VAV3: variants seen among roughly 807,000 people sequenced by gnomAD.
VAV3 encodes vav guanine nucleotide exchange factor 3.
VAV3 carries 94 observed loss-of-function variants against 131.2 expected under a neutral mutation model. The ratio of observed to expected loss-of-function variants is 0.72; its 90% CI spans 0.61 to 0.85. The LOEUF is 0.85. Among genes scored for constraint, VAV3 ranks in the 40% least tolerant of loss-of-function variants. VAV3 has a pLI of 0.00. For synonymous variants in VAV3, 349 were observed against 342.0 expected (o/e 1.02, Z -0.22); for missense variants, 939 against 1,002.7 (o/e 0.94, Z 0.86).
At chr1:107,613,348 T>G (rs539366589) in intron 21 of VAV3, among the ~76,000 whole-genome samples, 1 of 152,124 alleles carries the variant, frequency 6.6e-6, no homozygotes, top group East Asian at 1.9e-4. Context: ...TCTCCTTCTA[T>G]TAAATGTATT....
intron 2 of VAV3, among the ~76,000 whole-genome samples, chr1:107,839,990 C>T (rs962940561): frequency 6.6e-6 from 1 of 152,096 alleles, no homozygotes; most frequent in African/African-American, 2.4e-5. Flanking sequence ...ACCAACAGAC[C>T]TGTATCAGCT....
intron 25 of VAV3, among the ~76,000 whole-genome samples, chr1:107,575,174 G>A (rs1649556113): frequency 1.3e-5 from 2 of 152,140 alleles, no homozygotes; most frequent in Non-Finnish European, 2.9e-5. Context: ...TCTACCTGTT[G>A]CTCTTTGGGG....
chr1:107,774,722 T>C (rs181957928), intron 4 of VAV3, among the ~76,000 whole-genome samples: 1 of 152,232 alleles, frequency 6.6e-6, no homozygotes, highest in African/African-American at 2.4e-5. Flanking sequence ...CTCCCCAACT[T>C]AGGAAACAAT....
chr1:107,852,501 G>T (rs2100959753), intron 2 of VAV3, among the ~76,000 whole-genome samples: 1 of 152,178 alleles, frequency 6.6e-6, no homozygotes, highest in African/African-American at 2.4e-5. Context: ...TAAAACTGGG[G>T]ATCATGGTTT....
At chr1:107,637,123 C>G (rs1441201395) in intron 20 of VAV3, among the ~76,000 whole-genome samples, 4 of 151,772 alleles carry the variant, frequency 2.6e-5, no homozygotes, top group Non-Finnish European at 5.9e-5. Flanking sequence ...TTACTGATAT[C>G]GGGAATGAGA....
In VAV3 at chr1:107,596,344, T is replaced by C; in HGVS notation, c.2221-3A>G. On this transcript the variant is annotated splice_region_variant and splice_polypyrimidine_tract_variant and intron_variant, in intron 24 of 26. Transcript: ENST00000370056. Reference sequence around the variant, plus strand: ...TGCTTGTAGTACTCCACAAGTTCCTTTGGAAAAAAGAATCCAACATATTTT... The same window carrying C: ...TGCTTGTAGTACTCCACAAGTTCCTCTGGAAAAAAGAATCCAACATATTTT... 1 of 1,609,660 alleles carries C rather than the reference T, an allele frequency of 6.2e-7. No homozygotes were observed. Among genetic ancestry groups the C allele is most frequent in the Non-Finnish European group, 8.5e-7 (1 of 1,178,332 alleles).
intron 19 of VAV3, among the ~76,000 whole-genome samples, chr1:107,675,200 T>G (rs1482640903): frequency 6.6e-6 from 1 of 152,206 alleles, no homozygotes; most frequent in Non-Finnish European, 1.5e-5. Flanking sequence ...CATGGTAAAT[T>G]GTTACATAGC....
intron 7 of VAV3, among the ~76,000 whole-genome samples, chr1:107,767,381 C>G (rs895759214): frequency 6.6e-6 from 1 of 152,180 alleles, no homozygotes; most frequent in Non-Finnish European, 1.5e-5. Context: ...GACTCCACAG[C>G]ATGCTCTCTC....
At chr1:107,956,918 T>C (rs908032043) in intron 1 of VAV3, among the ~76,000 whole-genome samples, 1 of 152,096 alleles carries the variant, frequency 6.6e-6, no homozygotes, top group South Asian at 2.1e-4. Context: ...ATAATGGCTA[T>C]AGTATTTAAG....
At position 107,753,549 on chromosome 1, in the gene VAV3, T is replaced by TATATGTGTATATATATACAC. The variant is rs771773884; in HGVS notation, c.1173+1877_1173+1878insGTGTATATATATACACATAT. Among the ~76,000 whole-genome samples, 4 of 82,052 alleles carry TATATGTGTATATATATACAC rather than the reference T, an allele frequency of 4.9e-5. No individual in the cohort carries two copies. The South Asian group carries it at 1.2e-3, about 25-fold the overall frequency. 53.8% of individuals were successfully genotyped at this position (82,052 alleles called of 152,430 possible). On this transcript the variant is annotated intron_variant, in intron 12 of 26. Transcript: ENST00000370056. ...ATACGTATATATATATATATATATA[T>TATATGTGTATATATATACAC]ACACACACACACTTTTTTTTTTGAG...
chr1:107,621,517 A>C (rs1653603206), intron 20 of VAV3, among the ~76,000 whole-genome samples: 1 of 152,112 alleles, frequency 6.6e-6, no homozygotes, highest in South Asian at 2.1e-4. Context: ...CTATGCATGG[A>C]TGAAATTGCA....
At chr1:107,598,429 CTA>C (rs1395022977) in intron 24 of VAV3, among the ~76,000 whole-genome samples, 2 of 152,064 alleles carry the variant, frequency 1.3e-5, no homozygotes, top group Non-Finnish European at 2.9e-5. Flanking sequence ...ATAGTTTTTG[CTA>C]TGTGTTCATG....
At chr1:107,611,885 C>T (rs768739753) in intron 21 of VAV3, among the ~76,000 whole-genome samples, 20 of 152,186 alleles carry the variant, frequency 1.3e-4, no homozygotes, top group Middle Eastern at 3.4e-3. Context: ...TATCCTTTTC[C>T]ATCAGTCATA....
At chr1:107,952,468 T>TTTATATATATATATATATGTA (rs1553235441) in intron 1 of VAV3, among the ~76,000 whole-genome samples, 5 of 119,004 alleles carry the variant, frequency 4.2e-5, no homozygotes, top group African/African-American at 1.8e-4. Flanking sequence ...TAACAAAACT[T>TTTATATATATATATATATGTA]TATATATATA....
intron 22 of VAV3, among the ~76,000 whole-genome samples, chr1:107,605,803 T>G (rs1002757069): frequency 6.6e-6 from 1 of 152,224 alleles, no homozygotes; most frequent in Non-Finnish European, 1.5e-5. Context: ...ATCCTGAATA[T>G]ATCTCATGAT....
chr1:107,799,023 T>G (rs1570970013), intron 2 of VAV3, among the ~76,000 whole-genome samples: 1 of 152,108 alleles, frequency 6.6e-6, no homozygotes, highest in Non-Finnish European at 1.5e-5. Context: ...AACTTAAAAG[T>G]GATGAAAGCA....
chr1:107,844,482 T>C (rs113572358), intron 2 of VAV3, among the ~76,000 whole-genome samples: 14,801 of 152,052 alleles, frequency 0.097, 1,301 homozygotes, highest in African/African-American at 0.24. Context: ...ACATTCACTC[T>C]CCTGGAAAGG....
At chr1:107,941,573 C>A (rs1260806604) in intron 1 of VAV3, among the ~76,000 whole-genome samples, 3 of 152,144 alleles carry the variant, frequency 2.0e-5, no homozygotes, top group African/African-American at 7.2e-5. Flanking sequence ...AGTTTCTGTA[C>A]ATTTTAATGA....
chr1:107,897,789 G>A (rs895617237), intron 1 of VAV3, among the ~76,000 whole-genome samples: 12 of 151,988 alleles, frequency 7.9e-5, no homozygotes, highest in African/African-American at 2.7e-4. Context: ...TGCTAGAATC[G>A]GTCCTCTCCT....
Sources: allele counts gnomAD v4.1 joint callset (sites outside exome capture counted in the v4.1 genomes callset), GRCh38; gene constraint gnomAD v4.1.1; transcripts MANE v1.5; gene names NCBI Gene and HGNC (gene_info 2026-07-23, HGNC 2026-07-21).